Variants in TNKS observed in about 807,000 individuals in gnomAD.
TNKS encodes the protein tankyrase.
In TNKS, 72 loss-of-function variants were observed where a neutral mutation model predicts 135.8. The ratio of observed to expected loss-of-function variants is 0.53; its 90% confidence interval spans 0.44 to 0.64. The LOEUF is 0.64. Ranked by LOEUF, TNKS falls within the 30% of genes least tolerant of loss-of-function variation. The pLI is 0.00. For missense variants in TNKS, 1,769 were observed against 1,674.0 expected (o/e 1.06, Z -0.99); for synonymous variants, 849 against 649.3 (o/e 1.31, Z -4.68).
chr8:9,735,055 G>A lies in TNKS; in HGVS notation c.2504G>A (p.Gly835Asp). 6.2e-7 allele frequency: 1 copy of A among 1,614,120 alleles called. No individual in the cohort carries two copies. Among genetic ancestry groups the A allele is most frequent in the Non-Finnish European group, 8.5e-7 (1 of 1,180,010 alleles). Residue 835 changes from glycine (G) to aspartate (D), a missense_variant, in exon 16 of 27, where the codon GGC becomes GAC. Physicochemically the swap from Gly to Asp is moderately conservative, Grantham distance 94. This residue lies in a region of TNKS where 722 missense variants were observed against 688.9 expected (regional missense o/e 1.05). Coordinates refer to ENST00000310430, the MANE Select transcript of TNKS (RefSeq NM_003747.3). Reference protein sequence around the residue: ...PENINCRDTQGRNSTPLHLAA... With the variant: ...PENINCRDTQDRNSTPLHLAA... ...AATATCAACTGCAGAGACACCCAGG[G>A]CAGAAATTCAACCCCTCTGCACCTG... is the stretch of plus-strand genomic sequence containing the variant.
chr8:9,687,396 T>G (rs1253855320), intron 5 of TNKS, among the ~76,000 whole-genome samples: 1 of 152,192 alleles, frequency 6.6e-6, no homozygotes, highest in African/African-American at 2.4e-5. Flanking sequence ...TAGAGCAAGT[T>G]TTCTTGCCTC....
chr8:9,741,874 A>C, intron 17 of TNKS: 2 of 260,678 alleles, frequency 7.7e-6, no homozygotes, highest in Non-Finnish European at 1.8e-5. Context: ...CATTTTCATA[A>C]ACTTTATTCA....
At chr8:9,624,947 G>A (rs13267100) in intron 3 of TNKS, among the ~76,000 whole-genome samples, 132,202 of 152,110 alleles carry the variant, frequency 0.87, 57,648 homozygotes, top group Middle Eastern at 0.89. Flanking sequence ...TATTATTATT[G>A]CTATTTAAAT....
rs1305761921 is a variant in TNKS, at chr8:9,770,341, A to G, written c.3897+79A>G. The G allele has an allele frequency of 2.8e-6, 4 of 1,413,660 alleles. No individual in the cohort carries two copies. In the African/African-American group the frequency reaches 5.7e-5, roughly 20 times the overall value. 87.6% of individuals were successfully genotyped at this position (1,413,660 alleles called of 1,614,324 possible). A position where few individuals can be genotyped will look rare whatever the true frequency, so the allele number is the denominator to read the frequency against. On this transcript the variant is annotated intron_variant, in intron 26 of 26. Transcript: ENST00000310430. ...ACAGAGACCGTGTAAGACTTGAGAC[A>G]CTTTTCAGTGAAATATCCACCACAC...
chr8:9,662,902 C>T (rs557425910), intron 3 of TNKS, among the ~76,000 whole-genome samples: 108 of 152,292 alleles, frequency 7.1e-4, no homozygotes, highest in Middle Eastern at 3.4e-3. Context: ...TACTAATCCC[C>T]AGAACCTGTA....
chr8:9,692,808 C>G (rs1803339966), intron 5 of TNKS, among the ~76,000 whole-genome samples: 1 of 152,182 alleles, frequency 6.6e-6, no homozygotes, highest in East Asian at 1.9e-4. Flanking sequence ...AGTTAAGTAA[C>G]TTCAATGAGA....
At chr8:9,742,499 T>G (rs989764705) in intron 17 of TNKS, among the ~76,000 whole-genome samples, 26 of 151,796 alleles carry the variant, frequency 1.7e-4, no homozygotes, top group Admixed American at 1.7e-3. Flanking sequence ...GTAAAACCTA[T>G]AATCTATTAT....
chr8:9,644,448 G>T (rs1028982935), intron 3 of TNKS, among the ~76,000 whole-genome samples: 1 of 152,086 alleles, frequency 6.6e-6, no homozygotes, highest in Non-Finnish European at 1.5e-5. Flanking sequence ...GCTGCTACTT[G>T]CTTGAACCTA....
intron 20 of TNKS, among the ~76,000 whole-genome samples, chr8:9,755,765 C>G (rs556168289): frequency 7.2e-5 from 11 of 152,272 alleles, no homozygotes; most frequent in Non-Finnish European, 1.3e-4. Context: ...TTCTATGTCT[C>G]ATTGCCTGTG....
rs545427604 is a variant in TNKS at position 9,648,965 on chromosome 8, A to G, written c.995-30986A>G. 1.1e-3 allele frequency among the ~76,000 whole-genome samples: 167 copies of G among 152,018 alleles called. 1 individual carries two copies. Among genetic ancestry groups the G allele is most frequent in the African/African-American group, 3.7e-3 (155 of 41,504 alleles). On this transcript the variant is annotated intron_variant, in intron 3 of 26. Transcript: ENST00000310430. ...GGGAGAAAAAAAAAAAAACAGTGGGATAGGTTTAGGGTATAGACTTAGAAA... is the reference window on the plus strand; with the variant it reads ...GGGAGAAAAAAAAAAAAACAGTGGGGTAGGTTTAGGGTATAGACTTAGAAA...
At chr8:9,672,195 G>C (rs981309171) in intron 3 of TNKS, among the ~76,000 whole-genome samples, 1 of 152,104 alleles carries the variant, frequency 6.6e-6, no homozygotes, top group African/African-American at 2.4e-5. Flanking sequence ...ACTATGCCTA[G>C]TTTATAAATT....
At chr8:9,650,607 T>C (rs1801111149) in intron 3 of TNKS, among the ~76,000 whole-genome samples, 1 of 152,212 alleles carries the variant, frequency 6.6e-6, no homozygotes, top group South Asian at 2.1e-4. Flanking sequence ...GCCACTTGTG[T>C]ATCTTCTTTT....
At chr8:9,668,168 C>T (rs745693575) in intron 3 of TNKS, among the ~76,000 whole-genome samples, 16 of 152,130 alleles carry the variant, frequency 1.1e-4, no homozygotes, top group East Asian at 5.8e-4. Context: ...GAAATAACAG[C>T]GCCAAGCACT....
intron 1 of TNKS, chr8:9,566,188 A>G (rs531091286): frequency 2.3e-4 from 35 of 152,336 alleles, no homozygotes; most frequent in Admixed American, 2.0e-3. Context: ...ATAGAATTAC[A>G]CTTAGTTAAT....
intron 3 of TNKS, among the ~76,000 whole-genome samples, chr8:9,629,534 A>G (rs1214140699): frequency 6.6e-6 from 1 of 152,198 alleles, no homozygotes; most frequent in Admixed American, 6.5e-5. Flanking sequence ...TATTCCAGCC[A>G]TAGTTGCCTC....
intron 5 of TNKS, among the ~76,000 whole-genome samples, chr8:9,687,282 G>A (rs1803046318): frequency 6.6e-6 from 1 of 152,098 alleles, no homozygotes; most frequent in Admixed American, 6.5e-5. Flanking sequence ...CTGCATTAGG[G>A]AACTCTTCAA....
intron 3 of TNKS, among the ~76,000 whole-genome samples, chr8:9,646,360 T>A (rs1800919811): frequency 6.6e-6 from 1 of 152,184 alleles, no homozygotes; most frequent in African/African-American, 2.4e-5. Flanking sequence ...TTCACCTTTT[T>A]AAATTCGACC....
chr8:9,609,305 A>C (rs1482825876), intron 2 of TNKS, among the ~76,000 whole-genome samples: 2 of 152,104 alleles, frequency 1.3e-5, no homozygotes, highest in African/African-American at 2.4e-5. Context: ...TATTTATAGG[A>C]GTTACTGCCA....
intron 2 of TNKS, among the ~76,000 whole-genome samples, chr8:9,583,580 C>G (rs1427967155): frequency 6.6e-6 from 1 of 152,026 alleles, no homozygotes; most frequent in Non-Finnish European, 1.5e-5. Context: ...ACTCTGCCTC[C>G]TGGGTTCAAG....
Sources: gnomAD v4.1 joint callset for allele counts (sites outside exome capture counted in the v4.1 genomes callset) on GRCh38, gnomAD v4.1.1 for gene constraint, gnomAD v4.1.1 regional missense constraint, MANE v1.5 for transcripts, NCBI Gene and HGNC (gene_info 2026-07-23, HGNC 2026-07-21) for gene names.